The following TENM3 variants were observed in gnomAD, a reference collection of about 807,000 sequenced individuals.
TENM3 encodes the protein teneurin transmembrane protein 3.
TENM3 carries 63 observed loss-of-function variants against 255.1 expected under a neutral mutation model. That is an observed-to-expected ratio of 0.25 (90% CI 0.20 to 0.30). TENM3 has a LOEUF of 0.30. TENM3 is among the 10% of genes least tolerant of loss of function. The probability of loss-of-function intolerance (pLI) is 1.00; values close to 1 mark genes in which losing one functional copy is unlikely to be tolerated. For missense variants in TENM3, 2,929 were observed against 3,461.1 expected (o/e 0.85, Z 3.86); for synonymous variants, 1,306 against 1,322.3 (o/e 0.99, Z 0.27).
intron 1 of TENM3, among the ~76,000 whole-genome samples, chr4:182,236,229 G>T (rs1756894796): frequency 6.6e-6 from 1 of 152,118 alleles, no homozygotes; most frequent in Non-Finnish European, 1.5e-5. Context: ...ATTATCCTGA[G>T]CTTTGTGCTT....
chr4:181,635,969 C>T, the TENM3 span, among the ~76,000 whole-genome samples: 1 of 152,028 alleles, frequency 6.6e-6, no homozygotes, highest in Non-Finnish European at 1.5e-5. Context: ...TACACATATG[C>T]CATATATAAA....
chr4:181,788,011 A>G, the TENM3 span, among the ~76,000 whole-genome samples: 1 of 152,088 alleles, frequency 6.6e-6, no homozygotes, highest in Non-Finnish European at 1.5e-5. Flanking sequence ...TACAAAGCCA[A>G]ACTGTAATCC....
chr4:181,981,586 AAG>A, the TENM3 span, among the ~76,000 whole-genome samples: 1 of 152,192 alleles, frequency 6.6e-6, no homozygotes, highest in Non-Finnish European at 1.5e-5. Context: ...AACAGAGAGA[AAG>A]AGAAAGTATT....
the TENM3 span, among the ~76,000 whole-genome samples, chr4:181,605,516 AAG>A: frequency 8.5e-5 from 2 of 23,504 alleles, no homozygotes; most frequent in Admixed American, 4.2e-4. Context: ...GAAAGAAAGA[AAG>A]AAAGAAAGAA....
chr4:181,991,196 C>T, the TENM3 span, among the ~76,000 whole-genome samples: 1 of 152,050 alleles, frequency 6.6e-6, no homozygotes, highest in Non-Finnish European at 1.5e-5. Context: ...AGAAAAAATG[C>T]TCCCCTAAAG....
chr4:181,863,511 G>T, the TENM3 span, among the ~76,000 whole-genome samples: 2 of 152,112 alleles, frequency 1.3e-5, no homozygotes, highest in Non-Finnish European at 2.9e-5. Context: ...AAAAGTTAAT[G>T]GTTCTCATGA....
chr4:181,726,112 A>G, the TENM3 span, among the ~76,000 whole-genome samples: 9 of 152,208 alleles, frequency 5.9e-5, no homozygotes, highest in Non-Finnish European at 1.3e-4. Flanking sequence ...ATTACATATT[A>G]TTAAAATATA....
chr4:181,587,181 G>C, the TENM3 span, among the ~76,000 whole-genome samples: 1 of 151,900 alleles, frequency 6.6e-6, no homozygotes, highest in Admixed American at 6.6e-5. Context: ...CTATACTCCC[G>C]CACTCTCTCC....
chr4:182,568,038 G>T (rs779275392), intron 3 of TENM3, among the ~76,000 whole-genome samples: 13 of 152,156 alleles, frequency 8.5e-5, no homozygotes, highest in Non-Finnish European at 1.8e-4. Context: ...TTGAATTTTA[G>T]AAGTAAGCGA....
At chr4:182,077,237 G>A in the TENM3 span, among the ~76,000 whole-genome samples, 8 of 152,008 alleles carry the variant, frequency 5.3e-5, no homozygotes, top group South Asian at 2.1e-4. Flanking sequence ...TACTGCCACC[G>A]ACTTGTATAT....
At chr4:181,590,544 G>C in the TENM3 span, among the ~76,000 whole-genome samples, 2 of 152,166 alleles carry the variant, frequency 1.3e-5, no homozygotes, top group Admixed American at 1.3e-4. Context: ...AGCATACTGG[G>C]AGCCTTCCCA....
chr4:182,140,928 T>G (rs1210288027), upstream of TENM3, among the ~76,000 whole-genome samples: 8 of 151,436 alleles, frequency 5.3e-5, no homozygotes, highest in African/African-American at 1.9e-4. Context: ...GCCTCAGTAG[T>G]GGGGCAAGAA....
At chr4:182,216,313 C>T (rs1172710994) in intron 1 of TENM3, among the ~76,000 whole-genome samples, 1 of 152,212 alleles carries the variant, frequency 6.6e-6, no homozygotes, top group Non-Finnish European at 1.5e-5. Flanking sequence ...CTAGGTGTGA[C>T]CAGATGAATG....
chr4:182,229,685 G>A (rs1489985878), intron 1 of TENM3, among the ~76,000 whole-genome samples: 1 of 151,932 alleles, frequency 6.6e-6, no homozygotes, highest in East Asian at 1.9e-4. Context: ...TCTTAAAAGA[G>A]TTTCAAAAGA....
In TENM3 at chr4:182,792,449, C is replaced by T. The variant is rs373225091; in HGVS notation, c.5777C>T (p.Thr1926Met). Residue 1926 changes from threonine to methionine, a missense_variant, in exon 26 of 28, where the codon ACG (threonine) becomes ATG (methionine). Physicochemically the swap from Thr to Met is moderately conservative, Grantham distance 81. Transcript: ENST00000511685. The surrounding 1 kb of genome is among the most constrained non-coding windows in gnomAD (Gnocchi z 6.3). Reference sequence around the variant, plus strand: ...CCGGAAAGCAACGCCTCCATCATCACGGACTACAACGAGGAAGGGCTGCTT... The same window carrying T: ...CCGGAAAGCAACGCCTCCATCATCATGGACTACAACGAGGAAGGGCTGCTT... ...NPPESNASIITDYNEEGLLLQ... is the reference protein window; with the variant it reads ...NPPESNASIIMDYNEEGLLLQ... The T allele has an allele frequency of 3.8e-5, 61 of 1,614,042 alleles. No individual in the cohort carries two copies. The highest frequency in any genetic ancestry group is 1.2e-4 in the South Asian group (11 of 91,080).
the TENM3 span, among the ~76,000 whole-genome samples, chr4:181,616,745 C>T: frequency 1.4e-4 from 22 of 152,000 alleles, 1 homozygote; most frequent in African/African-American, 3.4e-4. Flanking sequence ...TTCTAATGTC[C>T]GTGGGCAGGA....
the TENM3 span, among the ~76,000 whole-genome samples, chr4:181,535,310 T>G: frequency 6.6e-6 from 1 of 152,186 alleles, no homozygotes; most frequent in Admixed American, 6.5e-5. Context: ...TGGAAACTTA[T>G]GTATCCTTCC....
At chr4:182,795,022 C>A (rs1766397448) in intron 26 of TENM3, among the ~76,000 whole-genome samples, 1 of 152,004 alleles carries the variant, frequency 6.6e-6, no homozygotes, top group South Asian at 2.1e-4. Context: ...TAGGCTGCCT[C>A]TTTTCTAGCT....
chr4:182,106,271 G>A, the TENM3 span, among the ~76,000 whole-genome samples: 1 of 152,082 alleles, frequency 6.6e-6, no homozygotes, highest in Non-Finnish European at 1.5e-5. Context: ...GACCAGCCTG[G>A]GCAACATGGC....
Sources: gnomAD v4.1 joint callset for allele counts (sites outside exome capture counted in the v4.1 genomes callset) on GRCh38, gnomAD v4.1.1 for gene constraint, Gnocchi (gnomAD v3.1) non-coding constraint, MANE v1.5 for transcripts, NCBI Gene and HGNC (gene_info 2026-07-23, HGNC 2026-07-21) for gene names.